Variants in GPC5 observed in about 807,000 individuals in gnomAD.
GPC5 encodes glypican-5.
Under a neutral mutation model 53.9 loss-of-function variants are expected in GPC5, and 47 were observed. The observed-to-expected ratio is 0.87, with a 90% CI of 0.69 to 1.11. The LOEUF (loss-of-function observed/expected upper bound fraction) is 1.11, where lower values mean the gene tolerates loss of function less well. Among genes scored for constraint, GPC5 ranks in the 50% most tolerant of loss-of-function variants. The pLI is 0.00. For missense variants in GPC5, 748 were observed against 713.1 expected, an observed-to-expected ratio of 1.05 and a Z score of -0.56; for synonymous variants, 286 against 263.3, an observed-to-expected ratio of 1.09 and a Z score of -0.84.
chr13:91,831,939 A>G (rs1425335651), intron 5 of GPC5, among the ~76,000 whole-genome samples: 2 of 151,870 alleles, frequency 1.3e-5, no homozygotes, highest in Admixed American at 6.6e-5. Context: ...TATTCTATCG[A>G]TTTGGAGTGG....
chr13:92,048,598 T>C (rs1249993131), intron 6 of GPC5, among the ~76,000 whole-genome samples: 1 of 152,244 alleles, frequency 6.6e-6, no homozygotes. Context: ...GTGTTCACTT[T>C]TACATGGCAG....
chr13:91,499,652 G>T (rs2139289715), intron 2 of GPC5, among the ~76,000 whole-genome samples: 1 of 152,214 alleles, frequency 6.6e-6, no homozygotes, highest in South Asian at 2.1e-4. Flanking sequence ...GTGTTCTTTT[G>T]CATTTTAGCG....
At chr13:92,220,230 C>G (rs561904231) in intron 7 of GPC5, among the ~76,000 whole-genome samples, 7 of 152,040 alleles carry the variant, frequency 4.6e-5, no homozygotes, top group Non-Finnish European at 8.8e-5. Context: ...TGTAGCCACT[C>G]TTCTGGGTAC....
At chr13:91,600,295 G>A (rs895867375) in intron 2 of GPC5, among the ~76,000 whole-genome samples, 4 of 148,842 alleles carry the variant, frequency 2.7e-5, no homozygotes, top group Admixed American at 1.3e-4. Context: ...CATGGTAATC[G>A]TTCATTTTAC....
intron 6 of GPC5, among the ~76,000 whole-genome samples, chr13:91,952,339 C>T (rs1594683914): frequency 6.6e-6 from 1 of 152,066 alleles, no homozygotes; most frequent in East Asian, 1.9e-4. Context: ...CAAATGCAGG[C>T]TCAGTGATGT....
chr13:91,501,400 C>T (rs753256441), intron 2 of GPC5, among the ~76,000 whole-genome samples: 4 of 152,002 alleles, frequency 2.6e-5, no homozygotes, highest in Admixed American at 2.6e-4. Flanking sequence ...ACCCCCTCTC[C>T]CCACCCCACA....
chr13:92,269,566 C>T lies in GPC5; in HGVS notation c.1561+124577C>T, dbSNP rs545607852. 1.5e-3 allele frequency among the ~76,000 whole-genome samples: 227 copies of T among 152,154 alleles called. 1 individual carries two copies. Among genetic ancestry groups the T allele is most frequent in the Middle Eastern group, 3.4e-3 (1 of 294 alleles). On this transcript the variant is annotated intron_variant, in intron 7 of 7. Transcript: ENST00000377067. ...GACTACAGGCATCTGCCACCATGCC[C>T]GGCTAAGTTTCTTGTATTTTTAGTA...
At chr13:91,814,820 CA>C in intron 5 of GPC5, among the ~76,000 whole-genome samples, 1 of 152,270 alleles carries the variant, frequency 6.6e-6, no homozygotes, top group African/African-American at 2.4e-5. Context: ...AGATTACAGG[CA>C]TAAGCCACCG....
At chr13:92,656,774 T>C (rs77735063) in intron 7 of GPC5, among the ~76,000 whole-genome samples, 1 of 152,148 alleles carries the variant, frequency 6.6e-6, no homozygotes, top group African/African-American at 2.4e-5. Flanking sequence ...GGCAATATAG[T>C]GAACCCCATT....
At chr13:91,581,473 G>T (rs1253353428) in intron 2 of GPC5, among the ~76,000 whole-genome samples, 1 of 152,072 alleles carries the variant, frequency 6.6e-6, no homozygotes, top group East Asian at 1.9e-4. Flanking sequence ...TCTTAGTCTT[G>T]CTCTGATCTG....
intron 5 of GPC5, among the ~76,000 whole-genome samples, chr13:91,765,761 AG>A (rs746916408): frequency 6.6e-6 from 1 of 152,242 alleles, no homozygotes; most frequent in Non-Finnish European, 1.5e-5. Flanking sequence ...TTAATGAAAG[AG>A]GTAATATGTG....
At position 91,533,354 on chromosome 13, in the gene GPC5, T is replaced by C. The variant is rs1294613700; in HGVS notation, c.325+84432T>C. The stretch of plus-strand genomic sequence containing the variant: ...GAGAAAATTAGTTCAAAGACTGGAA[T>C]TGTCATTAACAACTCTATTTTTTTA... On this transcript the variant is annotated intron_variant, in intron 2 of 7. Coordinates refer to ENST00000377067, the MANE Select transcript of GPC5 (RefSeq NM_004466.6). 3.9e-5 allele frequency among the ~76,000 whole-genome samples: 6 copies of C among 152,338 alleles called. No individual in the cohort carries two copies. The South Asian group carries it at 1.2e-3, about 32-fold the overall frequency.
intron 3 of GPC5, among the ~76,000 whole-genome samples, chr13:91,703,839 A>T (rs1339159807): frequency 3.3e-5 from 5 of 152,252 alleles, no homozygotes; most frequent in East Asian, 1.9e-4. Flanking sequence ...TTATTGGTCT[A>T]TTCAGATTCT....
At chr13:91,911,638 T>G (rs2039611587) in intron 6 of GPC5, among the ~76,000 whole-genome samples, 1 of 152,140 alleles carries the variant, frequency 6.6e-6, no homozygotes. Context: ...AGGACTTCAC[T>G]ATGAAAAATG....
intron 5 of GPC5, among the ~76,000 whole-genome samples, chr13:91,775,410 T>G (rs1305695354): frequency 6.6e-6 from 1 of 152,192 alleles, no homozygotes; most frequent in Non-Finnish European, 1.5e-5. Flanking sequence ...CCTATCGATC[T>G]GCTACCTCCC....
chr13:91,686,362 C>T (rs1385855605), intron 2 of GPC5, among the ~76,000 whole-genome samples: 1 of 151,956 alleles, frequency 6.6e-6, no homozygotes, highest in Non-Finnish European at 1.5e-5. Context: ...GATTAATTAA[C>T]AAAAGGCTAA....
chr13:91,487,502 G>C (rs1883679718), intron 2 of GPC5, among the ~76,000 whole-genome samples: 1 of 152,148 alleles, frequency 6.6e-6, no homozygotes, highest in Admixed American at 6.5e-5. Context: ...GGCAGGTCCA[G>C]TCTTCAGATA....
intron 7 of GPC5, among the ~76,000 whole-genome samples, chr13:92,184,581 T>G (rs181458755): frequency 4.7e-4 from 72 of 152,296 alleles, no homozygotes; most frequent in Non-Finnish European, 6.5e-4. Context: ...GAATCCCCAG[T>G]GAAAGATTAA....
intron 7 of GPC5, among the ~76,000 whole-genome samples, chr13:92,322,125 A>G (rs1217166504): frequency 6.6e-6 from 1 of 152,118 alleles, no homozygotes; most frequent in African/African-American, 2.4e-5. Flanking sequence ...GGAAATTAAT[A>G]TATAACCTCT....
Sources: gnomAD v4.1 joint callset for allele counts (sites outside exome capture counted in the v4.1 genomes callset) on GRCh38, gnomAD v4.1.1 for gene constraint, MANE v1.5 for transcripts, NCBI Gene and HGNC (gene_info 2026-07-23, HGNC 2026-07-21) for gene names.